Variants in BBS5 observed in about 807,000 individuals in gnomAD.
BBS5 encodes the protein Bardet-Biedl syndrome 5, also known as BBSome complex member BBS5.
A neutral mutation model predicts 50.2 loss-of-function variants in BBS5; 39 were observed. The observed-to-expected ratio is 0.78, with a 90% CI of 0.60 to 1.01. The LOEUF (loss-of-function observed/expected upper bound fraction) is 1.01, where lower values mean the gene tolerates loss of function less well. BBS5 is among the 50% of genes least tolerant of loss of function. The pLI is 0.00. For synonymous variants in BBS5, 134 were observed against 133.1 expected (o/e 1.01, Z -0.05); for missense variants, 356 against 401.5 (o/e 0.89, Z 0.97).
intron 1 of BBS5, among the ~76,000 whole-genome samples, chr2:169,480,171 C>T (rs1029192762): frequency 1.3e-5 from 2 of 152,166 alleles, no homozygotes; most frequent in Non-Finnish European, 2.9e-5. Context: ...AAGCTTTCAT[C>T]TAGTTATTCA....
intron 5 of BBS5, among the ~76,000 whole-genome samples, chr2:169,490,658 C>T (rs1683580737): frequency 6.6e-6 from 1 of 152,098 alleles, no homozygotes. Flanking sequence ...ATATAATTCA[C>T]ATAAAATTTT....
In BBS5 at chr2:169,504,688, T is replaced by C. The variant is rs970636869; in HGVS notation, c.*106T>C. ...AGTTTTTATATTTACAGCTTTTATA[T>C]TTAAAACTTGTAAGAGTTTTTTTAA... On this transcript the variant is annotated 3_prime_UTR_variant, in exon 12 of 12. Coordinates refer to ENST00000295240, the MANE Select transcript of BBS5 (RefSeq NM_152384.3). 8.4e-7 allele frequency: 1 copy of C among 1,186,314 alleles called. No homozygotes were observed. The highest frequency in any genetic ancestry group is 1.6e-5 in the African/African-American group (1 of 64,252). 73.5% of individuals were successfully genotyped at this position (1,186,314 alleles called of 1,614,324 possible).
At chr2:169,492,704 C>A (rs1233515334) in intron 5 of BBS5, among the ~76,000 whole-genome samples, 170 bp from the exon 6 acceptor site, 2 of 151,982 alleles carry the variant, frequency 1.3e-5, no homozygotes, top group East Asian at 3.9e-4. Context: ...GGTATTGAGA[C>A]TTTGTCTCTA....
chr2:169,500,774 A>G (rs1009581036), intron 9 of BBS5, among the ~76,000 whole-genome samples: 2 of 152,146 alleles, frequency 1.3e-5, no homozygotes, highest in Non-Finnish European at 2.9e-5. Context: ...CTGACATTGT[A>G]TTACATACAC....
chr2:169,501,320 C>T (rs1683796788), intron 9 of BBS5, among the ~76,000 whole-genome samples: 1 of 152,174 alleles, frequency 6.6e-6, no homozygotes, highest in Non-Finnish European at 1.5e-5. Context: ...AGTTATTACT[C>T]TTCTTTGTAG....
intron 3 of BBS5, among the ~76,000 whole-genome samples, chr2:169,487,465 T>G (rs577395320): frequency 1.3e-5 from 2 of 152,154 alleles, no homozygotes; most frequent in Middle Eastern, 3.4e-3. Context: ...TAAATTTTGT[T>G]TCACTTATTT....
intron 7 of BBS5, among the ~76,000 whole-genome samples, chr2:169,496,289 A>G (rs1420819357): frequency 6.6e-6 from 1 of 152,176 alleles, no homozygotes; most frequent in Non-Finnish European, 1.5e-5. Flanking sequence ...ATCTTCCACT[A>G]ACCAAGCTTA....
At chr2:169,497,382 G>A (rs1259175587) in intron 7 of BBS5, among the ~76,000 whole-genome samples, 3 of 152,066 alleles carry the variant, frequency 2.0e-5, no homozygotes, top group East Asian at 3.9e-4. Flanking sequence ...ATTTGAGTCC[G>A]GGAATTTTGT....
At chr2:169,499,749 C>T in intron 9 of BBS5, 129 bp downstream of exon 9, 3 of 963,372 alleles carry the variant, frequency 3.1e-6, no homozygotes, top group Non-Finnish European at 4.9e-6. Context: ...AGATTCTGCT[C>T]AAGTGGGCAT....
chr2:169,488,039 C>G lies in BBS5; in HGVS notation c.311C>G (p.Thr104Ser). Residue 104 changes from threonine (T) to serine (S), a missense_variant, in exon 5 of 12, where the codon ACT becomes AGT. By Grantham distance (58) the Thr-to-Ser change is moderately conservative. Coordinates refer to ENST00000295240, the MANE Select transcript of BBS5 (RefSeq NM_152384.3). The stretch of plus-strand genomic sequence containing the variant: ...TATATACTAACAAAATGTAACAGTA[C>G]TCGTTTTGAATTTATATTTACAAAT... Reference protein sequence around the residue: ...ALYILTKCNSTRFEFIFTNLV... With the variant: ...ALYILTKCNSSRFEFIFTNLV... 1 of 1,613,398 alleles carries G rather than the reference C, an allele frequency of 6.2e-7. No homozygotes were observed. Among genetic ancestry groups the G allele is most frequent in the Non-Finnish European group, 8.5e-7 (1 of 1,179,484 alleles).
intron 10 of BBS5, among the ~76,000 whole-genome samples, chr2:169,503,842 A>T (rs1217906344): frequency 2.0e-5 from 3 of 152,226 alleles, no homozygotes; most frequent in African/African-American, 7.2e-5. Context: ...GTGTGAAATT[A>T]GTATAAAATA....
Position 169,505,701 on chromosome 2 carries a change from G to A in BBS5, c.*1119G>A, listed in dbSNP as rs1390134369. 9.3e-6 allele frequency: 2 copies of A among 213,964 alleles called. No homozygotes were observed. The highest frequency in any genetic ancestry group is 1.9e-5 in the Non-Finnish European group (2 of 106,370). The allele number at this position is 213,964 out of a possible 1,614,324, so 13.3% of individuals were successfully genotyped here. On this transcript the variant is annotated 3_prime_UTR_variant, in exon 12 of 12. Transcript: ENST00000295240. ...GCCTGGCAACCGCCCCGTCTGATAA[G>A]TAAGGAGCCCCTCTGCCCAGCAGCC... is the stretch of plus-strand genomic sequence containing the variant.
chr2:169,491,856 G>A (rs1683608100), intron 5 of BBS5, among the ~76,000 whole-genome samples: 1 of 152,180 alleles, frequency 6.6e-6, no homozygotes, highest in African/African-American at 2.4e-5. Context: ...GAGTGCAGTG[G>A]CGCAATCTCA....
intron 1 of BBS5, among the ~76,000 whole-genome samples, chr2:169,480,202 G>T (rs1683365157): frequency 1.3e-5 from 2 of 152,184 alleles, no homozygotes. Flanking sequence ...CAACAAGAAG[G>T]AGTCTTCTTT....
intron 6 of BBS5, 53 bp from the exon 7 acceptor site, chr2:169,493,688 G>GATAAATA: frequency 8.0e-7 from 1 of 1,242,570 alleles, no homozygotes. Context: ...AGAAAATAAA[G>GATAAATA]AATAGGTACC....
chr2:169,490,400 T>C (rs901443629), intron 5 of BBS5, among the ~76,000 whole-genome samples: 4 of 151,918 alleles, frequency 2.6e-5, no homozygotes, highest in Admixed American at 1.3e-4. Context: ...TACTGTGTTA[T>C]AGAGACGGGG....
intron 1 of BBS5, among the ~76,000 whole-genome samples, chr2:169,481,129 G>A (rs1683384959): frequency 1.3e-5 from 2 of 152,126 alleles, no homozygotes; most frequent in Non-Finnish European, 1.5e-5. Context: ...ATATCCCCCC[G>A]TTCTAGTGCA....
In BBS5 at chr2:169,502,930, A is replaced by T. The variant is rs115692360; in HGVS notation, c.817-165A>T. Among the ~76,000 whole-genome samples the T allele has an allele frequency of 8.8e-3, 1,335 of 152,224 alleles. 26 individuals carry two copies. The highest frequency in any genetic ancestry group is 0.03 in the African/African-American group (1,260 of 41,548). On this transcript the variant is annotated intron_variant, in intron 9 of 11. Transcript: ENST00000295240. The stretch of plus-strand genomic sequence containing the variant: ...ACTTCAGATATGAAAGTTTAGGTTT[A>T]ATTGATTAGTTTTATTACTTGTTAG...
At chr2:169,502,058 C>T (rs1683815653) in intron 9 of BBS5, among the ~76,000 whole-genome samples, 1 of 152,100 alleles carries the variant, frequency 6.6e-6, no homozygotes, top group African/African-American at 2.4e-5. Context: ...TCCTTCCTCC[C>T]TTCCTTTCAG....
Sources: gnomAD v4.1 joint callset for allele counts (sites outside exome capture counted in the v4.1 genomes callset) on GRCh38, gnomAD v4.1.1 for gene constraint, MANE v1.5 for transcripts, NCBI Gene and HGNC (gene_info 2026-07-23, HGNC 2026-07-21) for gene names.